The following TGS1 variants were observed in gnomAD, a reference collection of about 807,000 sequenced individuals.
TGS1 encodes trimethylguanosine synthase.
Under a neutral mutation model 92.2 loss-of-function variants are expected in TGS1, and 69 were observed. That is an observed-to-expected ratio of 0.75 (90% CI 0.62 to 0.91). TGS1 has a LOEUF of 0.91. Ranked by LOEUF, TGS1 falls within the 40% of genes least tolerant of loss-of-function variation. TGS1 has a pLI of 0.00. For missense variants in TGS1, 1,062 were observed against 1,001.2 expected (o/e 1.06, Z -0.82); for synonymous variants, 345 against 338.1 (o/e 1.02, Z -0.22).
At position 55,805,041 on chromosome 8, in the gene TGS1, T is replaced by G; in HGVS notation, c.2143+5T>G. ...TTGCCTTAACAGGAATGAGAGGTAA[T>G]TAGCCATCAATGGAAGTGAACTATT... On this transcript the variant is annotated splice_donor_5th_base_variant and intron_variant, in intron 10 of 12. Coordinates refer to ENST00000260129, the MANE Select transcript of TGS1 (RefSeq NM_024831.8). The G allele has an allele frequency of 6.2e-7, 1 of 1,612,854 alleles. No individual in the cohort carries two copies. The highest frequency in any genetic ancestry group is 8.5e-7 in the Non-Finnish European group (1 of 1,179,212).
chr8:55,804,833 T>C (rs1201313007), intron 9 of TGS1, 60 bp from the exon 10 acceptor site: 2 of 1,503,514 alleles, frequency 1.3e-6, no homozygotes, highest in Non-Finnish European at 1.8e-6. Context: ...TTTGCTATGT[T>C]TATGCTTGCC....
intron 4 of TGS1, among the ~76,000 whole-genome samples, chr8:55,787,897 G>GCA (rs767476257): frequency 0.13 from 19,191 of 152,126 alleles, 1,248 homozygotes; most frequent in South Asian, 0.16. Context: ...GAGAGAGCAA[G>GCA]AGAGAGGGGG....
intron 11 of TGS1, 72 bp from the exon 12 acceptor site, chr8:55,812,968 T>G: frequency 8.9e-7 from 1 of 1,120,962 alleles, no homozygotes; most frequent in Non-Finnish European, 1.3e-6. Flanking sequence ...TGAGTTATGA[T>G]AAGTAAAACA....
At chr8:55,817,238 G>A (rs970373780) in intron 12 of TGS1, among the ~76,000 whole-genome samples, 2 of 152,134 alleles carry the variant, frequency 1.3e-5, no homozygotes, top group African/African-American at 4.8e-5. Flanking sequence ...TGTCTAGGAA[G>A]GGAAATGTTC....
chr8:55,774,535 T>C (rs966911617), intron 1 of TGS1, among the ~76,000 whole-genome samples: 4 of 152,216 alleles, frequency 2.6e-5, no homozygotes, highest in Non-Finnish European at 2.9e-5. Context: ...GTTAAACTTG[T>C]TAAATTTAAT....
At chr8:55,814,843 AAAG>A (rs1300434180) in intron 12 of TGS1, among the ~76,000 whole-genome samples, 157 of 150,704 alleles carry the variant, frequency 1.0e-3, no homozygotes, top group African/African-American at 3.6e-3. Flanking sequence ...CTAAAAAAAA[AAAG>A]AAAGAAAGAA....
In TGS1 at chr8:55,825,231, T is replaced by A. The variant is rs1017608955; in HGVS notation, c.*528T>A. The A allele has an allele frequency of 2.0e-5, 3 of 152,202 alleles. No individual in the cohort carries two copies. The highest frequency in any genetic ancestry group is 6.6e-5 in the Admixed American group (1 of 15,260). The allele number at this position is 152,202 out of a possible 1,614,324, so 9.4% of individuals were successfully genotyped here. On this transcript the variant is annotated 3_prime_UTR_variant, in exon 13 of 13. Transcript: ENST00000260129. ...GCTACTGTGCCCAGCCTTACGGACA[T>A]CCTTTTGAATTATCTTTTTCACTCA...
intron 9 of TGS1, among the ~76,000 whole-genome samples, chr8:55,803,552 A>G (rs757885203): frequency 6.6e-6 from 1 of 152,178 alleles, no homozygotes; most frequent in African/African-American, 2.4e-5. Flanking sequence ...AACACTTGCA[A>G]TTCTATAAAA....
chr8:55,784,960 T>C (rs1811665749), intron 2 of TGS1, among the ~76,000 whole-genome samples: 2 of 152,208 alleles, frequency 1.3e-5, no homozygotes, highest in African/African-American at 2.4e-5. Flanking sequence ...GCTGGATGAA[T>C]AGTGGCAGGC....
chr8:55,814,674 A>ATATATATATATAT (rs1554564802), intron 12 of TGS1, among the ~76,000 whole-genome samples: 40 of 123,324 alleles, frequency 3.2e-4, no homozygotes, highest in East Asian at 2.4e-3. Context: ...AAAAAAAAAA[A>ATATATATATATAT]ATATATATAT....
chr8:55,812,535 G>A (rs1803366735), intron 11 of TGS1, among the ~76,000 whole-genome samples: 1 of 150,242 alleles, frequency 6.7e-6, no homozygotes, highest in African/African-American at 2.4e-5. Flanking sequence ...AAATTAGCTG[G>A]GCATGTGGTG....
chr8:55,801,357 G>A (rs1253606053), intron 8 of TGS1, among the ~76,000 whole-genome samples: 1 of 151,646 alleles, frequency 6.6e-6, no homozygotes, highest in African/African-American at 2.4e-5. Context: ...TGCAACCTCC[G>A]CCTCCCAGGT....
At chr8:55,776,649 C>CG (rs1341523444) in intron 1 of TGS1, among the ~76,000 whole-genome samples, 1 of 152,172 alleles carries the variant, frequency 6.6e-6, no homozygotes, top group African/African-American at 2.4e-5. Context: ...CAGGGTGTGG[C>CG]GCCGGGCTGT....
intron 12 of TGS1, among the ~76,000 whole-genome samples, chr8:55,820,313 G>A (rs192019914): frequency 5.9e-5 from 9 of 152,238 alleles, no homozygotes; most frequent in African/African-American, 1.4e-4. Context: ...TTGAGAGGCC[G>A]AGGCGGGCGG....
At chr8:55,787,803 C>T (rs1233864233) in intron 4 of TGS1, among the ~76,000 whole-genome samples, 1 of 152,194 alleles carries the variant, frequency 6.6e-6, no homozygotes, top group African/African-American at 2.4e-5. Flanking sequence ...AGCATAGTCT[C>T]AGCATCAACT....
Position 55,825,767 on chromosome 8 carries a change from G to A in TGS1, c.*1064G>A, listed in dbSNP as rs1203901416. ...TTACAATTTATCTGATTGCTCTGCA[G>A]TACAGTAGCAACTGAGCTGATCAAT... On this transcript the variant is annotated 3_prime_UTR_variant, in exon 13 of 13. Transcript: ENST00000260129. 6.6e-6 allele frequency among the ~76,000 whole-genome samples: 1 copy of A among 151,952 alleles called. No individual in the cohort carries two copies. The highest frequency in any genetic ancestry group is 1.5e-5 in the Non-Finnish European group (1 of 68,030).
At chr8:55,787,085 G>GCCATGTAATGCATGCTAA in intron 4 of TGS1, 25 bp downstream of exon 4, 2 of 1,545,742 alleles carry the variant, frequency 1.3e-6, no homozygotes, top group Non-Finnish European at 8.8e-7. Flanking sequence ...GATTTATTCT[G>GCCATGTAATGCATGCTAA]CCATGTAATG....
chr8:55,803,635 A>G (rs1247295631), intron 9 of TGS1, among the ~76,000 whole-genome samples: 1 of 151,828 alleles, frequency 6.6e-6, no homozygotes, highest in Non-Finnish European at 1.5e-5. Flanking sequence ...AGGAAAATTA[A>G]CGCACATTAT....
At chr8:55,792,945 A>T (rs1194706197) in intron 6 of TGS1, among the ~76,000 whole-genome samples, 161 bp downstream of exon 6, 1 of 152,202 alleles carries the variant, frequency 6.6e-6, no homozygotes, top group African/African-American at 2.4e-5. Flanking sequence ...TGTACATTTG[A>T]TGTGTTCATA....
Sources: gnomAD v4.1 joint callset for allele counts (sites outside exome capture counted in the v4.1 genomes callset) on GRCh38, gnomAD v4.1.1 for gene constraint, MANE v1.5 for transcripts, NCBI Gene and HGNC (gene_info 2026-07-23, HGNC 2026-07-21) for gene names.